The following NHSL3 variants were observed in gnomAD, a reference collection of about 807,000 sequenced individuals.
The protein encoded by NHSL3 is NHS like 3, also known as NHS-like protein 3.
the NHSL3 span, among the ~76,000 whole-genome samples, chr1:32,765,313 C>G: frequency 6.6e-6 from 1 of 152,208 alleles, no homozygotes; most frequent in Non-Finnish European, 1.5e-5. Flanking sequence ...GCTCTTTCCC[C>G]AGGGAATTAC....
At chr1:32,770,352 C>T in the NHSL3 span, 7 of 1,610,634 alleles carry the variant, frequency 4.3e-6, no homozygotes, top group South Asian at 1.1e-5. This position sits in a 1 kb window ranked among gnomAD's most constrained non-coding sequence, Gnocchi z 8.3. Flanking sequence ...CCTCAGTCCG[C>T]TCGCTGGGGC....
At chr1:32,765,045 T>C in the NHSL3 span, among the ~76,000 whole-genome samples, 3 of 152,192 alleles carry the variant, frequency 2.0e-5, no homozygotes, top group Non-Finnish European at 4.4e-5. Flanking sequence ...TTAAGTGTGA[T>C]CTTGGAGAGT....
the NHSL3 span, among the ~76,000 whole-genome samples, chr1:32,759,365 A>C: frequency 9.2e-5 from 14 of 152,198 alleles, no homozygotes; most frequent in Non-Finnish European, 1.3e-4. Context: ...GGGGATAATC[A>C]TGCCTTGAAG....
At chr1:32,758,214 G>A in the NHSL3 span, among the ~76,000 whole-genome samples, 1 of 152,168 alleles carries the variant, frequency 6.6e-6, no homozygotes, top group Non-Finnish European at 1.5e-5. Flanking sequence ...GTCCTGGGTA[G>A]GTTGGGGAAT....
the NHSL3 span, chr1:32,770,477 C>T: frequency 1.3e-6 from 2 of 1,584,142 alleles, no homozygotes; most frequent in Non-Finnish European, 1.7e-6. The surrounding 1 kb of genome is among the most constrained non-coding windows in gnomAD (Gnocchi z 8.3). Context: ...TCCACCCTCT[C>T]CTCTAAGGGT....
At chr1:32,754,836 C>A in the NHSL3 span, among the ~76,000 whole-genome samples, 2 of 152,124 alleles carry the variant, frequency 1.3e-5, no homozygotes, top group Non-Finnish European at 2.9e-5. Context: ...GTCTGGGGAC[C>A]GCCTCCATCT....
chr1:32,766,611 A>G, the NHSL3 span, among the ~76,000 whole-genome samples: 1 of 152,126 alleles, frequency 6.6e-6, no homozygotes, highest in Non-Finnish European at 1.5e-5. Flanking sequence ...GCTGTTGACG[A>G]ATGGGCTGAG....
At chr1:32,765,520 C>T in the NHSL3 span, 4 of 966,274 alleles carry the variant, frequency 4.1e-6, no homozygotes, top group Non-Finnish European at 3.0e-6. Flanking sequence ...GACTCCTGGC[C>T]TCAGTTGCCT....
the NHSL3 span, chr1:32,770,884 C>A: frequency 6.2e-7 from 1 of 1,608,840 alleles, no homozygotes; most frequent in Non-Finnish European, 8.5e-7. The surrounding 1 kb of genome is among the most constrained non-coding windows in gnomAD (Gnocchi z 8.3). Flanking sequence ...TGGTTCCCGG[C>A]GCCCCCCACG....
At chr1:32,742,396 G>T in the NHSL3 span, among the ~76,000 whole-genome samples, 17 of 152,258 alleles carry the variant, frequency 1.1e-4, no homozygotes, top group Non-Finnish European at 2.4e-4. Flanking sequence ...CCCGCTGTGA[G>T]GGGAGGGGAC....
At chr1:32,772,069 C>T in the NHSL3 span, 1 of 1,612,286 alleles carries the variant, frequency 6.2e-7, no homozygotes, top group East Asian at 2.2e-5. Flanking sequence ...ACGGCCTCCC[C>T]AGTCCCCTGC....
the NHSL3 span, chr1:32,770,209 A>G: frequency 6.2e-7 from 1 of 1,604,656 alleles, no homozygotes; most frequent in Admixed American, 1.7e-5. The surrounding 1 kb of genome is among the most constrained non-coding windows in gnomAD (Gnocchi z 8.3). Flanking sequence ...GGCCATGTCC[A>G]TCTCCCCCCA....
the NHSL3 span, chr1:32,770,207 C>T: frequency 6.2e-7 from 1 of 1,604,520 alleles, no homozygotes; most frequent in Admixed American, 1.7e-5. The surrounding 1 kb of genome is among the most constrained non-coding windows in gnomAD (Gnocchi z 8.3). Context: ...CCGGCCATGT[C>T]CATCTCCCCC....
chr1:32,771,632 C>T, the NHSL3 span: 192 of 1,612,916 alleles, frequency 1.2e-4, no homozygotes, highest in Non-Finnish European at 1.5e-4. Flanking sequence ...CCGGCTGCTT[C>T]GTCCTCCTCA....
chr1:32,751,338 G>A, the NHSL3 span, among the ~76,000 whole-genome samples: 9 of 152,178 alleles, frequency 5.9e-5, no homozygotes, highest in Admixed American at 1.3e-4. Context: ...CCGTCAGTAT[G>A]CAAGCGTCAC....
chr1:32,756,476 C>T, the NHSL3 span, among the ~76,000 whole-genome samples: 5 of 107,672 alleles, frequency 4.6e-5, no homozygotes, highest in African/African-American at 1.3e-4. Context: ...CGAGACCCCC[C>T]CCCCCCGCCC....
chr1:32,769,838 A>G, the NHSL3 span: 64 of 1,611,104 alleles, frequency 4.0e-5, no homozygotes, highest in African/African-American at 6.9e-4. Context: ...AGCCTTGGTC[A>G]TCCCCTCTCT....
At chr1:32,759,685 G>C in the NHSL3 span, among the ~76,000 whole-genome samples, 3 of 152,208 alleles carry the variant, frequency 2.0e-5, no homozygotes, top group Non-Finnish European at 4.4e-5. Context: ...CAGGTGGGGT[G>C]CAGAGCCCCT....
At chr1:32,758,934 C>T in the NHSL3 span, among the ~76,000 whole-genome samples, 1 of 152,152 alleles carries the variant, frequency 6.6e-6, no homozygotes, top group East Asian at 1.9e-4. Context: ...AGGGGTGTCA[C>T]TAAGGAGAGA....
Sources: gnomAD v4.1 joint callset for allele counts (sites outside exome capture counted in the v4.1 genomes callset) on GRCh38, gnomAD v4.1.1 for gene constraint, Gnocchi (gnomAD v3.1) non-coding constraint, MANE v1.5 for transcripts, NCBI Gene and HGNC (gene_info 2026-07-23, HGNC 2026-07-21) for gene names.